The following ZFAT variants were observed in gnomAD, a reference collection of about 807,000 sequenced individuals.
The protein encoded by ZFAT is zinc finger protein ZFAT.
In ZFAT, 64 loss-of-function variants were observed where a neutral mutation model predicts 117.7. That is an observed-to-expected ratio of 0.54 (90% CI 0.44 to 0.67). The LOEUF (loss-of-function observed/expected upper bound fraction) is 0.67. Ranked by LOEUF, ZFAT falls within the 30% of genes least tolerant of loss-of-function variation. The pLI, the probability that ZFAT is intolerant of heterozygous loss-of-function variation, is 0.00. For synonymous variants in ZFAT, 679 were observed against 615.0 expected (o/e 1.10, Z -1.54); for missense variants, 1,433 against 1,584.5 (o/e 0.90, Z 1.62).
intron 1 of ZFAT, chr8:134,673,056 T>C (rs913714925): frequency 5.9e-5 from 9 of 152,226 alleles, no homozygotes; most frequent in Non-Finnish European, 1.2e-4. Context: ...TGGTTCTCAA[T>C]GTATGTAGAA....
intron 9 of ZFAT, 78 bp from the exon 10 acceptor site, chr8:134,584,083 T>TAG: frequency 1.5e-6 from 2 of 1,373,396 alleles, no homozygotes; most frequent in Non-Finnish European, 2.0e-6. Flanking sequence ...GGAATATATA[T>TAG]ATCCATATCT....
chr8:134,672,237 A>T (rs977908770), intron 1 of ZFAT, among the ~76,000 whole-genome samples: 5 of 152,262 alleles, frequency 3.3e-5, no homozygotes, highest in African/African-American at 4.8e-5. Context: ...CTTTCTTCAC[A>T]GAATTGGAAA....
chr8:134,616,654 T>C lies in ZFAT; in HGVS notation c.449-5999A>G, dbSNP rs563930079. 3.3e-5 allele frequency among the ~76,000 whole-genome samples: 5 copies of C among 152,332 alleles called. No individual in the cohort carries two copies. The South Asian group carries it at 8.3e-4, about 25-fold the overall frequency. On this transcript the variant is annotated intron_variant, in intron 3 of 15. Coordinates refer to ENST00000377838, the MANE Select transcript of ZFAT (RefSeq NM_020863.4). ...CAGCTTCCTTTCTTCCTTTTAAAAA[T>C]TCCATAGCTGTCGATGGGTTTTGCT...
At chr8:134,727,966 C>G in the ZFAT span, among the ~76,000 whole-genome samples, 12 of 152,174 alleles carry the variant, frequency 7.9e-5, no homozygotes, top group Non-Finnish European at 1.3e-4. Flanking sequence ...AGCTATGGGC[C>G]AAGCAAACAG....
rs184259369 is a variant in ZFAT at position 134,484,850 on chromosome 8, C to A, written c.3493-6129G>T. On this transcript the variant is annotated intron_variant, in intron 15 of 15. Coordinates refer to ENST00000377838, the MANE Select transcript of ZFAT (RefSeq NM_020863.4). Reference sequence around the variant, plus strand: ...TCACCCTGTCACCCAGGCTGGAGTACAGTGATGCAATCACAGCTCACTGCA... The same window carrying A: ...TCACCCTGTCACCCAGGCTGGAGTAAAGTGATGCAATCACAGCTCACTGCA... Among the ~76,000 whole-genome samples, 357 of 152,310 alleles carry A rather than the reference C, an allele frequency of 2.3e-3. 1 individual carries two copies. Among genetic ancestry groups the A allele is most frequent in the African/African-American group, 8.1e-3 (338 of 41,574 alleles).
chr8:134,813,804 ACAC>A, the ZFAT span, among the ~76,000 whole-genome samples: 17 of 24,296 alleles, frequency 7.0e-4, no homozygotes, highest in Admixed American at 5.7e-4. Flanking sequence ...GATTTTATAC[ACAC>A]ACACACACAC....
chr8:134,565,412 A>G lies in ZFAT; in HGVS notation c.2897T>C (p.Phe966Ser). 6.2e-7 allele frequency: 1 copy of G among 1,612,952 alleles called. No homozygotes were observed. Among genetic ancestry groups the G allele is most frequent in the Non-Finnish European group, 8.5e-7 (1 of 1,179,606 alleles). The change falls in exon 11 of 16, where the codon TTT (phenylalanine) becomes TCT (serine). Residue 966 changes from phenylalanine to serine, a missense_variant. By Grantham distance (155) the Phe-to-Ser change is radical. Around this residue, in one of 5 missense-constraint regions of ZFAT, gnomAD observed 503 missense variants for 543.4 expected, o/e 0.93. Coordinates refer to ENST00000377838, the MANE Select transcript of ZFAT (RefSeq NM_020863.4). ...TGTGTAGTCACACACCGTGCACTTA[A>G]ACTGCTTCCCTGGAAAGAAGCGGAG... is the stretch of plus-strand genomic sequence containing the variant. ...KLLHTADGKQ[F>S]KCTVCDYTAA...
At chr8:134,737,915 T>C in the ZFAT span, among the ~76,000 whole-genome samples, 1 of 152,194 alleles carries the variant, frequency 6.6e-6, no homozygotes, top group Non-Finnish European at 1.5e-5. Context: ...TAAGTTTCCT[T>C]AAGAGAGAGA....
Position 134,478,501 on chromosome 8 carries a change from T to C in ZFAT, c.3713A>G (p.Gln1238Arg), listed in dbSNP as rs1264639149. 4 of 1,576,712 alleles carry C rather than the reference T, an allele frequency of 2.5e-6. No homozygotes were observed. The highest frequency in any genetic ancestry group is 2.7e-5 in the African/African-American group (2 of 73,866). ...MQPVEEQAVE[Q>R]PAQEL ...TGTCCTCTAGAGTTCCTGGGCCGGCTGCTCCACAGCCTGCTCCTCCACAGG... is the reference window on the plus strand; with the variant it reads ...TGTCCTCTAGAGTTCCTGGGCCGGCCGCTCCACAGCCTGCTCCTCCACAGG... The change falls in exon 16 of 16, where the codon CAG (glutamine) becomes CGG (arginine). Residue 1238 changes from glutamine (Q) to arginine (R), a missense_variant. By Grantham distance (43) the Gln-to-Arg change is conservative. Around this residue, in one of 5 missense-constraint regions of ZFAT, gnomAD observed 503 missense variants for 543.4 expected, o/e 0.93. Coordinates refer to ENST00000377838, the MANE Select transcript of ZFAT (RefSeq NM_020863.4). The surrounding 1 kb of genome is among the most constrained non-coding windows in gnomAD (Gnocchi z 5.2).
Position 134,477,875 on chromosome 8 carries a change from A to G in ZFAT, c.*607T>C, listed in dbSNP as rs1351504202. The G allele has an allele frequency of 1.3e-5, 2 of 150,362 alleles. No individual in the cohort carries two copies. The highest frequency in any genetic ancestry group is 4.8e-5 in the African/African-American group (2 of 41,240). 9.3% of individuals were successfully genotyped at this position (150,362 alleles called of 1,614,324 possible). On this transcript the variant is annotated 3_prime_UTR_variant, in exon 16 of 16. Transcript: ENST00000377838. ...AAATAGTGCATTTATCTTAAAAGTG[A>G]AATAATTCCAGGATGGTAGGGCGAG...
the ZFAT span, among the ~76,000 whole-genome samples, chr8:134,830,096 C>T: frequency 6.6e-6 from 1 of 152,264 alleles, no homozygotes; most frequent in South Asian, 2.1e-4. Flanking sequence ...ATGACCTCCA[C>T]GATGCCACCA....
At chr8:134,686,898 A>C (rs986482907) in intron 1 of ZFAT, among the ~76,000 whole-genome samples, 4 of 152,140 alleles carry the variant, frequency 2.6e-5, no homozygotes, top group African/African-American at 9.7e-5. Context: ...GTCTCTTCTG[A>C]AAGAAGAGCA....
chr8:134,630,625 C>T (rs1189263398), intron 3 of ZFAT, among the ~76,000 whole-genome samples: 4 of 152,130 alleles, frequency 2.6e-5, no homozygotes, highest in Admixed American at 2.6e-4. Context: ...TAGAAAAGTT[C>T]AGAAGTCACT....
At chr8:134,697,643 C>T (rs1007345679) in intron 1 of ZFAT, among the ~76,000 whole-genome samples, 1 of 151,234 alleles carries the variant, frequency 6.6e-6, no homozygotes, top group Non-Finnish European at 1.5e-5. Flanking sequence ...AGGAGAATGG[C>T]GTGAACCCGG....
the ZFAT span, among the ~76,000 whole-genome samples, chr8:134,758,763 G>T: frequency 6.6e-6 from 1 of 152,232 alleles, no homozygotes; most frequent in East Asian, 1.9e-4. Context: ...GCATGGGAGT[G>T]CTGGGAGAGC....
intron 7 of ZFAT, among the ~76,000 whole-genome samples, chr8:134,590,830 C>T (rs943372287): frequency 2.6e-5 from 4 of 152,118 alleles, no homozygotes; most frequent in Admixed American, 1.3e-4. Flanking sequence ...ATCACCACGA[C>T]CCCCCTCACC....
At chr8:134,714,107 G>GGCC (rs1814152776), upstream of ZFAT, among the ~76,000 whole-genome samples, 1 of 94,390 alleles carries the variant, frequency 1.1e-5, no homozygotes, top group African/African-American at 3.9e-5. Flanking sequence ...GCAAAGACAT[G>GGCC]CCCCCCCCCC....
At chr8:134,693,258 G>C (rs1833670868) in intron 1 of ZFAT, among the ~76,000 whole-genome samples, 1 of 150,990 alleles carries the variant, frequency 6.6e-6, no homozygotes, top group African/African-American at 2.4e-5. Flanking sequence ...AATGAGCCCA[G>C]AATCTCTTGT....
intron 1 of ZFAT, among the ~76,000 whole-genome samples, chr8:134,680,007 G>A (rs374692487): frequency 1.5e-4 from 23 of 151,912 alleles, no homozygotes; most frequent in African/African-American, 5.1e-4. Flanking sequence ...CAGGTTGATG[G>A]GTGCAGCAAA....
Sources: allele counts gnomAD v4.1 joint callset (sites outside exome capture counted in the v4.1 genomes callset), GRCh38; gene constraint gnomAD v4.1.1; regional missense constraint gnomAD v4.1.1; non-coding constraint Gnocchi (gnomAD v3.1); transcripts MANE v1.5; gene names NCBI Gene and HGNC (gene_info 2026-07-23, HGNC 2026-07-21).